EIF2D: variants seen among roughly 807,000 people sequenced by gnomAD.
EIF2D encodes hepatocellular carcinoma-associated antigen 56.
In EIF2D, 56 loss-of-function variants were observed where a neutral mutation model predicts 77.4. The ratio of observed to expected loss-of-function variants is 0.72; its 90% CI spans 0.58 to 0.90. The LOEUF is 0.90. Among genes scored for constraint, EIF2D ranks in the 40% least tolerant of loss-of-function variants. The pLI is 0.00. For missense variants in EIF2D, 574 were observed against 706.5 expected, an observed-to-expected ratio of 0.81 and a Z score of 2.13; for synonymous variants, 230 against 271.0, an observed-to-expected ratio of 0.85 and a Z score of 1.49.
At chr1:206,610,273 C>T (rs1553413628) in intron 2 of EIF2D, among the ~76,000 whole-genome samples, 2 of 152,302 alleles carry the variant, frequency 1.3e-5, no homozygotes, top group South Asian at 2.1e-4. Flanking sequence ...AATCCCAACA[C>T]TTCGGGAGAC....
At chr1:206,595,904 A>G in intron 12 of EIF2D, 66 bp from the exon 13 acceptor site, 1 of 1,586,986 alleles carries the variant, frequency 6.3e-7, no homozygotes, top group Non-Finnish European at 8.6e-7. Context: ...ATACCCCACT[A>G]CCAGCAGGCA....
In EIF2D at chr1:206,584,787, C is replaced by T. The variant is rs1260217125; in HGVS notation, c.139-3625G>A. The T allele has an allele frequency of 2.4e-6, 3 of 1,275,246 alleles. No individual in the cohort carries two copies. Among genetic ancestry groups the T allele is most frequent in the East Asian group, 5.0e-5 (2 of 40,384 alleles). 79.0% of individuals were successfully genotyped at this position (1,275,246 alleles called of 1,614,324 possible). ...CCTTGGGTGGGAGCTGTGGGCTTCT[C>T]CTGAGCACCAGGGGTCCAGCTGCCC... On this transcript the variant is annotated intron_variant and NMD_transcript_variant, in intron 2 of 5. Coordinates refer to the EIF2D transcript ENST00000472709. The surrounding 1 kb of genome is among the most constrained non-coding windows in gnomAD (Gnocchi z 4.9).
At chr1:206,602,513 A>G (rs1485720770) in intron 6 of EIF2D, 60 bp from the exon 7 acceptor site, 1 of 1,452,232 alleles carries the variant, frequency 6.9e-7, no homozygotes, top group Non-Finnish European at 9.7e-7. Context: ...CTGGTACAAG[A>G]AAACGACCCC....
At chr1:206,581,595 G>GA (rs1195121775) in intron 2 of EIF2D, among the ~76,000 whole-genome samples, 1 of 146,916 alleles carries the variant, frequency 6.8e-6, no homozygotes, top group African/African-American at 2.7e-5. Flanking sequence ...GGAGACGAAA[G>GA]AAAAGAAAGA....
At chr1:206,595,938 G>A in intron 12 of EIF2D, 100 bp from the exon 13 acceptor site, 1 of 1,512,236 alleles carries the variant, frequency 6.6e-7, no homozygotes, top group Non-Finnish European at 9.0e-7. Context: ...TGAAATTGCA[G>A]GTCCACAACC....
chr1:206,578,159 G>A (rs541094441), intron 4 of EIF2D, among the ~76,000 whole-genome samples: 7 of 152,020 alleles, frequency 4.6e-5, no homozygotes, highest in Non-Finnish European at 8.8e-5. Flanking sequence ...CTAGGAGGTC[G>A]AGGCTGCAGT....
chr1:206,607,776 G>A (rs911022445), intron 4 of EIF2D, among the ~76,000 whole-genome samples: 1 of 152,132 alleles, frequency 6.6e-6, no homozygotes, highest in African/African-American at 2.4e-5. Flanking sequence ...CATTGGATAC[G>A]TGAAGAGAAA....
chr1:206,594,047 T>G (rs1287407654), intron 13 of EIF2D: 2 of 296,258 alleles, frequency 6.8e-6, no homozygotes, highest in Non-Finnish European at 1.2e-5. Flanking sequence ...TGTCTACTTC[T>G]TTTTTAAGTT....
chr1:206,606,871 G>C (rs2102301974), intron 4 of EIF2D, among the ~76,000 whole-genome samples: 1 of 152,324 alleles, frequency 6.6e-6, no homozygotes, highest in African/African-American at 2.4e-5. Context: ...TGAGAGTATA[G>C]GGAAATAGGC....
chr1:206,612,461 A>C lies in EIF2D; in HGVS notation c.-119T>G. 1 of 1,337,530 alleles carries C rather than the reference A, an allele frequency of 7.5e-7. No individual in the cohort carries two copies. The allele number at this position is 1,337,530 out of a possible 1,614,324, so 82.9% of individuals were successfully genotyped here. On this transcript the variant is annotated 5_prime_UTR_variant, in exon 1 of 15. Transcript: ENST00000271764. ...CAGCCATGCTGGGGCCCGGCCGCGA[A>C]AAGGGCCCGGCTGGAAACCAGGGCC...
Position 206,593,586 on chromosome 1 carries a change from C to T in EIF2D, c.1684+33G>A, listed in dbSNP as rs200794695. The T allele has an allele frequency of 1.1e-3, 1,734 of 1,544,216 alleles. 2 individuals carry two copies. The highest frequency in any genetic ancestry group is 1.4e-3 in the Non-Finnish European group (1,590 of 1,134,992). On this transcript the variant is annotated intron_variant, in intron 14 of 14. Transcript: ENST00000271764. ...GCAGGAAGGTCTTTGCTGAGCTAGA[C>T]CAATGCCTCCACTCTTCAGAGGGGA...
chr1:206,608,264 G>A lies in EIF2D; in HGVS notation c.394C>T (p.Leu132Phe). Residue 132 changes from leucine to phenylalanine, a missense_variant, in exon 4 of 15, where the codon CTC becomes TTC. Transcript: ENST00000271764. ...AGLPQVQKGDLCAISLVGNRA... is the reference protein window; with the variant it reads ...AGLPQVQKGDFCAISLVGNRA... ...TTCCCCACCAAAGAAATGGCACAGA[G>A]GTCGCCCTTCTGTACCTGAGGCAGA... 6.2e-7 allele frequency: 1 copy of A among 1,613,662 alleles called. No homozygotes were observed. Among genetic ancestry groups the A allele is most frequent in the Non-Finnish European group, 8.5e-7 (1 of 1,179,750 alleles).
At chr1:206,570,168 T>G (rs1668404615), downstream of EIF2D, among the ~76,000 whole-genome samples, 1 of 149,968 alleles carries the variant, frequency 6.7e-6, no homozygotes. Context: ...ATTGGCTCAC[T>G]GTAACCTCTG....
intron 2 of EIF2D, chr1:206,585,218 T>C: frequency 6.2e-7 from 1 of 1,614,130 alleles, no homozygotes; most frequent in Non-Finnish European, 8.5e-7. Flanking sequence ...CCGCCCCCTC[T>C]ACCTGCGCCT....
At chr1:206,591,589 C>A (rs1404181525), downstream of EIF2D, 1 of 627,506 alleles carries the variant, frequency 1.6e-6, no homozygotes, top group Non-Finnish European at 2.8e-6. Flanking sequence ...ATACTCCCGA[C>A]TTCAAAAATT....
intron 4 of EIF2D, among the ~76,000 whole-genome samples, chr1:206,573,126 A>G (rs958858512): frequency 6.6e-5 from 10 of 152,160 alleles, no homozygotes; most frequent in African/African-American, 2.4e-4. Context: ...GAGGCCTGAG[A>G]TCTCATTTCA....
intron 13 of EIF2D, chr1:206,594,451 C>G (rs1669536296): frequency 6.6e-6 from 1 of 152,204 alleles, no homozygotes; most frequent in African/African-American, 2.4e-5. Flanking sequence ...TAAAATATCA[C>G]AATTCTCCCC....
intron 4 of EIF2D, among the ~76,000 whole-genome samples, chr1:206,576,288 T>A (rs1212726951): frequency 1.3e-5 from 2 of 152,222 alleles, no homozygotes; most frequent in Non-Finnish European, 2.9e-5. Flanking sequence ...TAATTTGTAC[T>A]TTTGCTGCAA....
chr1:206,591,160 ATCT>A (rs1553408879), downstream of EIF2D, among the ~76,000 whole-genome samples: 1 of 152,214 alleles, frequency 6.6e-6, no homozygotes, highest in African/African-American at 2.4e-5. Flanking sequence ...CAAAGCTGTC[ATCT>A]TGGAGTTACA....
Sources: gnomAD v4.1 joint callset for allele counts (sites outside exome capture counted in the v4.1 genomes callset) on GRCh38, gnomAD v4.1.1 for gene constraint, Gnocchi (gnomAD v3.1) non-coding constraint, MANE v1.5 for transcripts, NCBI Gene and HGNC (gene_info 2026-07-23, HGNC 2026-07-21) for gene names.